The following BRINP3 variants were observed in gnomAD, a reference collection of about 807,000 sequenced individuals.
BRINP3 encodes the protein BMP/retinoic acid-inducible neural-specific protein 3.
BRINP3 carries 19 observed loss-of-function variants against 71.0 expected under a neutral mutation model. The ratio of observed to expected loss-of-function variants is 0.27; its 90% CI spans 0.19 to 0.39. BRINP3 has a LOEUF of 0.39. Ranked by LOEUF, BRINP3 falls within the 10% of genes least tolerant of loss-of-function variation. BRINP3 has a pLI of 1.00. For missense variants in BRINP3, 959 were observed against 940.8 expected (o/e 1.02, Z -0.25); for synonymous variants, 380 against 337.7 (o/e 1.13, Z -1.37).
intron 1 of BRINP3, among the ~76,000 whole-genome samples, chr1:190,468,880 A>G (rs1676944465): frequency 6.6e-6 from 1 of 150,660 alleles, no homozygotes; most frequent in African/African-American, 2.4e-5. Context: ...TTTTCAGGAG[A>G]CCCTTTTTTC....
At chr1:190,135,175 A>G (rs1654871229) in intron 7 of BRINP3, among the ~76,000 whole-genome samples, 1 of 152,094 alleles carries the variant, frequency 6.6e-6, no homozygotes, top group Non-Finnish European at 1.5e-5. Context: ...TGCATATGGG[A>G]ATTAATCCTT....
intron 2 of BRINP3, among the ~76,000 whole-genome samples, chr1:190,297,233 A>G (rs1229644362): frequency 3.9e-5 from 6 of 152,132 alleles, no homozygotes; most frequent in Non-Finnish European, 4.4e-5. Context: ...GAATAAACCT[A>G]TTCATATATG....
chr1:190,277,904 A>C (rs1662727149), intron 3 of BRINP3, among the ~76,000 whole-genome samples: 1 of 151,750 alleles, frequency 6.6e-6, no homozygotes, highest in Non-Finnish European at 1.5e-5. Flanking sequence ...TATATCGATA[A>C]ACAGTCTGGT....
At chr1:190,441,322 A>G (rs1403255904) in intron 2 of BRINP3, among the ~76,000 whole-genome samples, 1 of 152,076 alleles carries the variant, frequency 6.6e-6, no homozygotes, top group African/African-American at 2.4e-5. Context: ...GTACATCAGC[A>G]TCCTTGCAAT....
At chr1:190,122,924 T>G (rs1571762864) in intron 7 of BRINP3, among the ~76,000 whole-genome samples, 1 of 152,140 alleles carries the variant, frequency 6.6e-6, no homozygotes, top group Non-Finnish European at 1.5e-5. Context: ...TCTGAGGTCA[T>G]GTCCCTCAAT....
intron 2 of BRINP3, among the ~76,000 whole-genome samples, chr1:190,338,648 A>G (rs1667447078): frequency 6.6e-6 from 1 of 152,002 alleles, no homozygotes; most frequent in Non-Finnish European, 1.5e-5. Context: ...GTTTTTGTCT[A>G]TCAATTTATA....
In BRINP3 at chr1:190,099,144, C is replaced by G; in HGVS notation, c.1185-10G>C. On this transcript the variant is annotated splice_polypyrimidine_tract_variant and intron_variant, in intron 7 of 7. Transcript: ENST00000367462. ...CCAGTAGGTTGAGGTTCTAGAAATACAAAACAGAACGAATCTACATAAATA... is the reference window on the plus strand; with the variant it reads ...CCAGTAGGTTGAGGTTCTAGAAATAGAAAACAGAACGAATCTACATAAATA... The G allele has an allele frequency of 3.1e-6, 5 of 1,608,420 alleles. No homozygotes were observed. The highest frequency in any genetic ancestry group is 4.3e-6 in the Non-Finnish European group (5 of 1,176,200).
chr1:190,126,608 T>C (rs917947105), intron 7 of BRINP3, among the ~76,000 whole-genome samples: 5 of 151,940 alleles, frequency 3.3e-5, no homozygotes, highest in African/African-American at 1.2e-4. Context: ...ATTTGATATT[T>C]ATTTCTTTTC....
chr1:190,376,226 T>C (rs1308563900), intron 2 of BRINP3, among the ~76,000 whole-genome samples: 1 of 151,986 alleles, frequency 6.6e-6, no homozygotes, highest in East Asian at 1.9e-4. Flanking sequence ...GCTGATTACC[T>C]TTGGGTGTTC....
At chr1:190,242,047 T>C (rs1571475454) in intron 4 of BRINP3, among the ~76,000 whole-genome samples, 1 of 151,876 alleles carries the variant, frequency 6.6e-6, no homozygotes, top group African/African-American at 2.4e-5. Context: ...TGCAATTCAA[T>C]GTAGTTCCAC....
chr1:190,330,245 G>T (rs1386882566), intron 2 of BRINP3, among the ~76,000 whole-genome samples: 1 of 151,924 alleles, frequency 6.6e-6, no homozygotes, highest in East Asian at 1.9e-4. Flanking sequence ...ATGCGACAAA[G>T]GCCTAATAGC....
chr1:190,392,718 T>C (rs1373273801), intron 2 of BRINP3, among the ~76,000 whole-genome samples: 1 of 151,652 alleles, frequency 6.6e-6, no homozygotes, highest in South Asian at 2.1e-4. Context: ...AACCTCCATG[T>C]ACAGTAGGGC....
intron 2 of BRINP3, among the ~76,000 whole-genome samples, chr1:190,370,873 A>G (rs535456226): frequency 3.6e-4 from 55 of 152,270 alleles, no homozygotes; most frequent in African/African-American, 1.3e-3. Context: ...TTGTAGTTTT[A>G]ATTTGTATTT....
At chr1:190,432,415 A>G (rs184500293) in intron 2 of BRINP3, among the ~76,000 whole-genome samples, 1 of 152,314 alleles carries the variant, frequency 6.6e-6, no homozygotes, top group Non-Finnish European at 1.5e-5. Context: ...GAGCCATTAA[A>G]GAATGGTGAT....
At chr1:190,356,191 G>A (rs945982672) in intron 2 of BRINP3, among the ~76,000 whole-genome samples, 5 of 151,968 alleles carry the variant, frequency 3.3e-5, no homozygotes, top group Admixed American at 1.3e-4. Flanking sequence ...TACACATTAT[G>A]ATTGTTTGGG....
intron 4 of BRINP3, among the ~76,000 whole-genome samples, chr1:190,252,256 A>ACC (rs1276876865): frequency 2.0e-5 from 3 of 152,062 alleles, no homozygotes; most frequent in Non-Finnish European, 4.4e-5. Context: ...GAGCTTTACC[A>ACC]ATTAGTTACA....
chr1:190,344,991 T>A (rs751996454), intron 2 of BRINP3, among the ~76,000 whole-genome samples: 7 of 151,894 alleles, frequency 4.6e-5, no homozygotes, highest in Non-Finnish European at 8.8e-5. Context: ...ATGCATTACG[T>A]ACATTGTCAA....
intron 5 of BRINP3, among the ~76,000 whole-genome samples, chr1:190,233,056 A>G: frequency 1.3e-5 from 2 of 152,250 alleles, no homozygotes; most frequent in Middle Eastern, 6.8e-3. Context: ...AAAGGCATTC[A>G]TTCACTATTT....
At chr1:190,207,989 T>C (rs1274292258) in intron 6 of BRINP3, among the ~76,000 whole-genome samples, 1 of 152,062 alleles carries the variant, frequency 6.6e-6, no homozygotes, top group South Asian at 2.1e-4. Flanking sequence ...TGAGACAGGG[T>C]CTCGCTGTGT....
Sources: allele counts gnomAD v4.1 joint callset (sites outside exome capture counted in the v4.1 genomes callset), GRCh38; gene constraint gnomAD v4.1.1; transcripts MANE v1.5; gene names NCBI Gene and HGNC (gene_info 2026-07-23, HGNC 2026-07-21).